The following RBFOX1 variants were observed in gnomAD, a reference collection of about 807,000 sequenced individuals.
The protein encoded by RBFOX1 is RNA binding fox-1 homolog 1, also known as RNA binding protein fox-1 homolog 1.
Under a neutral mutation model 57.7 loss-of-function variants are expected in RBFOX1, and 8 were observed. The observed-to-expected ratio is 0.14, with a 90% CI of 0.08 to 0.25. The LOEUF (loss-of-function observed/expected upper bound fraction) is 0.25. RBFOX1 is among the 10% of genes least tolerant of loss of function. The pLI, the probability that RBFOX1 is intolerant of heterozygous loss-of-function variation, is 1.00. For missense variants in RBFOX1, 611 were observed against 548.5 expected (o/e 1.11, Z -1.14); for synonymous variants, 326 against 222.4 (o/e 1.47, Z -4.15).
intron 3 of RBFOX1, among the ~76,000 whole-genome samples, chr16:7,047,974 G>C (rs1200961938): frequency 2.0e-5 from 3 of 151,724 alleles, no homozygotes; most frequent in Admixed American, 6.6e-5. Context: ...CCCCTGCCGG[G>C]TTCAAGCGAT....
chr16:6,481,337 G>A (rs970356681), intron 2 of RBFOX1, among the ~76,000 whole-genome samples: 2 of 152,344 alleles, frequency 1.3e-5, no homozygotes, highest in African/African-American at 4.8e-5. Context: ...CCTTGCACAT[G>A]AGAATAGCAA....
At chr16:5,477,339 A>G (rs2069363627) in intron 2 of RBFOX1, among the ~76,000 whole-genome samples, 1 of 152,180 alleles carries the variant, frequency 6.6e-6, no homozygotes. Context: ...CAGATGGATG[A>G]TGGTGATGGT....
At chr16:7,410,684 A>C (rs72771142) in intron 4 of RBFOX1, among the ~76,000 whole-genome samples, 15,976 of 151,798 alleles carry the variant, frequency 0.11, 965 homozygotes, top group African/African-American at 0.16. Context: ...TCCCAAAAAC[A>C]AAACAAAACA....
chr16:6,688,357 C>A (rs978436114), intron 3 of RBFOX1, among the ~76,000 whole-genome samples: 11 of 152,118 alleles, frequency 7.2e-5, no homozygotes, highest in African/African-American at 2.2e-4. Context: ...ATTCAATCAC[C>A]TCTCATCAGG....
rs1014870248 is a variant in RBFOX1 at position 5,467,172 on chromosome 16, T to A, written c.220-44T>A. The A allele has an allele frequency of 1.4e-5, 19 of 1,312,258 alleles. No individual in the cohort carries two copies. The Admixed American group carries it at 4.7e-4, about 32-fold the overall frequency. 81.3% of individuals were successfully genotyped at this position (1,312,258 alleles called of 1,614,324 possible). ...ATTGTTTCAATGTAGACTCAATGTT[T>A]CTTCTCTCTCTCTCTCTCTCTCTCT... On this transcript the variant is annotated intron_variant, in intron 1 of 2. Transcript: ENST00000585867.
At chr16:6,375,213 A>G (rs368148080) in intron 2 of RBFOX1, among the ~76,000 whole-genome samples, 2 of 152,060 alleles carry the variant, frequency 1.3e-5, no homozygotes, top group African/African-American at 2.4e-5. Flanking sequence ...TGTGAACTTC[A>G]TGGGTGGCTT....
chr16:7,443,198 C>G (rs2098782750), intron 4 of RBFOX1, among the ~76,000 whole-genome samples: 1 of 152,116 alleles, frequency 6.6e-6, no homozygotes, highest in Non-Finnish European at 1.5e-5. Context: ...ATTTCATGTA[C>G]TACCACCTTT....
chr16:7,148,348 T>C (rs370669104), intron 4 of RBFOX1, among the ~76,000 whole-genome samples: 11 of 152,232 alleles, frequency 7.2e-5, no homozygotes, highest in East Asian at 5.8e-4. Context: ...GATTTTAGCA[T>C]CTATACAGGC....
intron 1 of RBFOX1, among the ~76,000 whole-genome samples, chr16:6,224,778 T>C (rs1449296904): frequency 1.3e-5 from 2 of 152,106 alleles, no homozygotes; most frequent in East Asian, 3.9e-4. Context: ...CCCAGCATTT[T>C]AGGAAGCTGA....
intron 3 of RBFOX1, among the ~76,000 whole-genome samples, chr16:7,004,283 T>C (rs903120451): frequency 2.6e-5 from 4 of 152,190 alleles, no homozygotes; most frequent in Non-Finnish European, 4.4e-5. Flanking sequence ...ATATATTAAT[T>C]AGATTAAATT....
intron 3 of RBFOX1, among the ~76,000 whole-genome samples, chr16:7,013,193 G>A (rs1308376088): frequency 6.6e-6 from 1 of 152,192 alleles, no homozygotes; most frequent in African/African-American, 2.4e-5. Context: ...CTTTGTGACT[G>A]AGATTGAGCC....
intron 3 of RBFOX1, among the ~76,000 whole-genome samples, chr16:6,736,326 A>C (rs2070293002): frequency 6.6e-6 from 1 of 152,072 alleles, no homozygotes; most frequent in Non-Finnish European, 1.5e-5. Flanking sequence ...CTTCCCCCCA[A>C]GTCCCCAAAG....
chr16:6,122,105 C>T (rs1012489651), intron 1 of RBFOX1, among the ~76,000 whole-genome samples: 14 of 152,102 alleles, frequency 9.2e-5, no homozygotes, highest in African/African-American at 2.2e-4. Flanking sequence ...GGGGTTTCAC[C>T]GTGTTGGCAA....
rs539163732 is a variant in RBFOX1 at position 7,282,683 on chromosome 16, G to A, written c.27+230585G>A. The stretch of plus-strand genomic sequence containing the variant: ...TGAGATTTGGGTGCACCCATCACCT[G>A]AGCAGTATACACTGCACCCAGTTTG... On this transcript the variant is annotated intron_variant, in intron 4 of 15. Transcript: ENST00000550418. 2.0e-4 allele frequency among the ~76,000 whole-genome samples: 30 copies of A among 152,178 alleles called. No homozygotes were observed. In the South Asian group the frequency reaches 5.8e-3, roughly 29 times the overall value.
At chr16:6,128,168 G>T (rs2096603800) in intron 1 of RBFOX1, among the ~76,000 whole-genome samples, 1 of 151,922 alleles carries the variant, frequency 6.6e-6, no homozygotes. Context: ...GACAATTTTT[G>T]TATCAATTAT....
chr16:7,518,438 CA>C (rs2076838358), intron 5 of RBFOX1, 49 bp downstream of exon 5: 4 of 1,559,016 alleles, frequency 2.6e-6, no homozygotes, highest in Non-Finnish European at 3.5e-6. Context: ...GAGGCGCCCC[CA>C]GCCCTGGTAA....
intron 4 of RBFOX1, among the ~76,000 whole-genome samples, chr16:7,315,230 G>T (rs2096409971): frequency 6.6e-6 from 1 of 151,782 alleles, no homozygotes; most frequent in South Asian, 2.1e-4. Context: ...GGAGTTTGAG[G>T]GGGTAAAACA....
intron 3 of RBFOX1, among the ~76,000 whole-genome samples, chr16:5,649,445 C>T (rs941478257): frequency 6.6e-6 from 1 of 152,196 alleles, no homozygotes; most frequent in Non-Finnish European, 1.5e-5. Context: ...GCTGGGATTA[C>T]AGGCATGAGC....
At chr16:7,693,640 A>AATCTTACAG (rs2077903765) in intron 14 of RBFOX1, among the ~76,000 whole-genome samples, 1 of 152,174 alleles carries the variant, frequency 6.6e-6, no homozygotes, top group Admixed American at 6.6e-5. Flanking sequence ...TCCACAAGAA[A>AATCTTACAG]ATCTTACAGT....
Sources: gnomAD v4.1 joint callset for allele counts (sites outside exome capture counted in the v4.1 genomes callset) on GRCh38, gnomAD v4.1.1 for gene constraint, MANE v1.5 for transcripts, NCBI Gene and HGNC (gene_info 2026-07-23, HGNC 2026-07-21) for gene names.